The following PTPN4 variants were observed in gnomAD, a reference collection of about 807,000 sequenced individuals.
The protein encoded by PTPN4 is protein tyrosine phosphatase non-receptor type 4.
PTPN4 carries 49 observed loss-of-function variants against 135.5 expected under a neutral mutation model. The observed-to-expected ratio is 0.36, with a 90% CI of 0.29 to 0.46. The LOEUF (loss-of-function observed/expected upper bound fraction) is 0.46. PTPN4 is among the 20% of genes least tolerant of loss of function. The probability of loss-of-function intolerance (pLI) is 1.00; values close to 1 mark genes in which losing one functional copy is unlikely to be tolerated. For missense variants in PTPN4, 860 were observed against 1,101.0 expected, an observed-to-expected ratio of 0.78 and a Z score of 3.10; for synonymous variants, 333 against 369.9, an observed-to-expected ratio of 0.90 and a Z score of 1.14.
rs771549233 is a variant in PTPN4, at chr2:119,955,277, A to G, written c.1934A>G (p.Gln645Arg). The change falls in exon 20 of 27, where the codon CAG becomes CGG. Residue 645 changes from glutamine to arginine, a missense_variant. Coordinates refer to ENST00000263708, the MANE Select transcript of PTPN4 (RefSeq NM_002830.4). ...CATTCCCTGCGGGAGTCAATGATCC[A>G]GCTAGCTGAGGGGCTTATCACTGGA... ...DDHSLRESMI[Q>R]LAEGLITGTV... The G allele has an allele frequency of 2.0e-5, 32 of 1,613,460 alleles. No individual in the cohort carries two copies. The Admixed American group carries it at 3.5e-4, about 18-fold the overall frequency.
In PTPN4 at chr2:119,920,168, T is replaced by C. The variant is rs1226218789; in HGVS notation, c.928T>C (p.Leu310=). ...ACVEHHTFFR[L]DRPLPPQKNF... is the part of the protein sequence containing the mutation. ...TGTAGAACATCACACATTCTTCCGT[T>C]TGGACAGACCACTTCCACCTCAAAA... The change falls in exon 12 of 27, where the codon TTG becomes CTG. Residue 310 remains leucine, a synonymous_variant. Transcript: ENST00000263708. The C allele has an allele frequency of 1.9e-6, 3 of 1,613,568 alleles. No individual in the cohort carries two copies. The highest frequency in any genetic ancestry group is 2.7e-5 in the African/African-American group (2 of 75,030).
chr2:119,932,354 G>T, intron 13 of PTPN4, 70 bp from the exon 14 acceptor site: 2 of 1,379,448 alleles, frequency 1.4e-6, no homozygotes, highest in Non-Finnish European at 9.7e-7. Flanking sequence ...AAAACAAATT[G>T]TAGGATTTGA....
chr2:119,831,389 A>G (rs1444231122), intron 2 of PTPN4, among the ~76,000 whole-genome samples: 2 of 152,188 alleles, frequency 1.3e-5, no homozygotes, highest in Admixed American at 6.5e-5. Flanking sequence ...TCTTGTTACA[A>G]ATCAACAATA....
intron 1 of PTPN4, among the ~76,000 whole-genome samples, chr2:119,770,572 G>A (rs1690715281): frequency 6.6e-6 from 1 of 151,956 alleles, no homozygotes; most frequent in Admixed American, 6.6e-5. Flanking sequence ...CCTTTTTTAT[G>A]TAGAAGGTAT....
At chr2:119,845,340 A>AGG (rs1323927683) in intron 2 of PTPN4, among the ~76,000 whole-genome samples, 1 of 149,504 alleles carries the variant, frequency 6.7e-6, no homozygotes, top group Admixed American at 6.8e-5. Flanking sequence ...TAAATTCACC[A>AGG]GGGAAACCAT....
rs1677767139 is a variant in PTPN4, at chr2:119,862,020, AGCC to A, written c.139-515_139-513del. 2.0e-5 allele frequency among the ~76,000 whole-genome samples: 3 copies of A among 152,198 alleles called. No homozygotes were observed. In the South Asian group the frequency reaches 6.2e-4, roughly 31 times the overall value. The stretch of plus-strand genomic sequence containing the variant: ...CAAAATTATATTTTAAGTAATATTT[AGCC>A]AAATATGTCACTTTCCAGTCACAAT... On this transcript the variant is annotated intron_variant, in intron 2 of 26. Coordinates refer to ENST00000263708, the MANE Select transcript of PTPN4 (RefSeq NM_002830.4).
chr2:119,789,813 C>T (rs1362502887), intron 1 of PTPN4, among the ~76,000 whole-genome samples: 1 of 151,490 alleles, frequency 6.6e-6, no homozygotes, highest in Non-Finnish European at 1.5e-5. Flanking sequence ...ACCTCTGCCT[C>T]CCAGGTTCAA....
At chr2:119,781,845 G>A (rs1465713178) in intron 1 of PTPN4, among the ~76,000 whole-genome samples, 2 of 152,136 alleles carry the variant, frequency 1.3e-5, no homozygotes, top group Admixed American at 1.3e-4. Context: ...GGCCTGTAAA[G>A]CCTGAAATAT....
chr2:119,833,985 A>C (rs1173885254), intron 2 of PTPN4, among the ~76,000 whole-genome samples: 1 of 152,110 alleles, frequency 6.6e-6, no homozygotes, highest in Non-Finnish European at 1.5e-5. Context: ...ATAAACCCGA[A>C]TTGCTCGGTT....
intron 26 of PTPN4, among the ~76,000 whole-genome samples, chr2:119,970,540 T>C (rs911272542): frequency 6.6e-6 from 1 of 152,174 alleles, no homozygotes; most frequent in East Asian, 1.9e-4. Flanking sequence ...TCTGGACCTT[T>C]TATATGAATG....
intron 3 of PTPN4, among the ~76,000 whole-genome samples, chr2:119,863,973 G>C (rs920563526): frequency 2.0e-5 from 3 of 152,104 alleles, no homozygotes; most frequent in African/African-American, 7.2e-5. Flanking sequence ...TCAGAATGTA[G>C]TTTAAAGAGA....
At chr2:119,835,404 T>G (rs1293338921) in intron 2 of PTPN4, among the ~76,000 whole-genome samples, 1 of 152,100 alleles carries the variant, frequency 6.6e-6, no homozygotes, top group African/African-American at 2.4e-5. Context: ...AGGGTGGTCT[T>G]GAACTCCTGA....
At chr2:119,845,110 C>T (rs1472577737) in intron 2 of PTPN4, among the ~76,000 whole-genome samples, 3 of 148,920 alleles carry the variant, frequency 2.0e-5, no homozygotes, top group Admixed American at 6.6e-5. Context: ...GGCGTGGCGG[C>T]GCGAGCCTGC....
rs745803520 is a variant in PTPN4 at position 119,766,449 on chromosome 2, CGTGTGTGTGT to C, written c.-18+6090_-18+6099del. 5.7e-4 allele frequency among the ~76,000 whole-genome samples: 75 copies of C among 131,064 alleles called. 1 individual carries two copies. The highest frequency in any genetic ancestry group is 1.3e-3 in the African/African-American group (40 of 31,690). The allele number at this position is 131,064 out of a possible 152,430, so 86.0% of individuals were successfully genotyped here. ...TCACTGGTGTATGCGCATGTGCGCGCGTGTGTGTGTGTGTGTGTGTGTGTGTGTGTGTGTC... is the reference window on the plus strand; with the variant it reads ...TCACTGGTGTATGCGCATGTGCGCGCGTGTGTGTGTGTGTGTGTGTGTGTC... On this transcript the variant is annotated intron_variant, in intron 1 of 26. Transcript: ENST00000263708.
intron 2 of PTPN4, among the ~76,000 whole-genome samples, chr2:119,828,161 T>C (rs140992321): frequency 6.6e-6 from 1 of 152,346 alleles, no homozygotes; most frequent in African/African-American, 2.4e-5. Flanking sequence ...GTCAGTGCTC[T>C]GGTCATTAGC....
At chr2:119,818,899 C>A (rs1382077601) in intron 2 of PTPN4, among the ~76,000 whole-genome samples, 1 of 152,166 alleles carries the variant, frequency 6.6e-6, no homozygotes, top group African/African-American at 2.4e-5. Context: ...CGAGCCTGGA[C>A]CACACCTTCT....
Position 119,962,542 on chromosome 2 carries a change from AC to A in PTPN4, c.2281-73del, listed in dbSNP as rs1361860230. Reference sequence around the variant, plus strand: ...TATATGTTTGAAATTTATTAAAAAAACATTTTTAAAAATTGGAGAACATGAA... The same window carrying A: ...TATATGTTTGAAATTTATTAAAAAAAATTTTTAAAAATTGGAGAACATGAA... On this transcript the variant is annotated intron_variant, in intron 23 of 26. Transcript: ENST00000263708. The A allele has an allele frequency of 8.4e-5, 77 of 912,678 alleles. 1 individual carries two copies. The highest frequency in any genetic ancestry group is 4.1e-4 in the Middle Eastern group (1 of 2,416). 56.5% of individuals were successfully genotyped at this position (912,678 alleles called of 1,614,324 possible). A position where few individuals can be genotyped will look rare whatever the true frequency, so the allele number is the denominator to read the frequency against.
At chr2:119,882,055 A>G (rs200467778) in intron 6 of PTPN4, 42 bp from the exon 7 acceptor site, 63 of 1,511,942 alleles carry the variant, frequency 4.2e-5, no homozygotes, top group Non-Finnish European at 5.5e-5. Flanking sequence ...TGAAATTGCT[A>G]TGTTTAACCT....
At chr2:119,843,218 CTTTTTT>C (rs779045976) in intron 2 of PTPN4, among the ~76,000 whole-genome samples, 4 of 107,294 alleles carry the variant, frequency 3.7e-5, no homozygotes, top group East Asian at 2.7e-4. Context: ...ATGCATTTTT[CTTTTTT>C]TTTTTTTTTT....
Sources: gnomAD v4.1 joint callset for allele counts (sites outside exome capture counted in the v4.1 genomes callset) on GRCh38, gnomAD v4.1.1 for gene constraint, MANE v1.5 for transcripts, NCBI Gene and HGNC (gene_info 2026-07-23, HGNC 2026-07-21) for gene names.